Variants in TNFAIP8 observed in about 807,000 individuals in gnomAD.
TNFAIP8 encodes the protein tumor necrosis factor alpha-induced protein 8.
Under a neutral mutation model 13.3 loss-of-function variants are expected in TNFAIP8, and 7 were observed. The observed-to-expected ratio is 0.52, with a 90% CI of 0.30 to 0.99. The LOEUF (loss-of-function observed/expected upper bound fraction) is 0.99, where lower values mean the gene tolerates loss of function less well. Ranked by LOEUF, TNFAIP8 falls within the 50% of genes least tolerant of loss-of-function variation. TNFAIP8 has a pLI of 0.07. For synonymous variants in TNFAIP8, 94 were observed against 87.6 expected (o/e 1.07, Z -0.41); for missense variants, 258 against 236.9 (o/e 1.09, Z -0.58).
At chr5:119,278,372 AGAGAGTGT>A (rs1479485371) in intron 1 of TNFAIP8, among the ~76,000 whole-genome samples, 27 of 124,994 alleles carry the variant, frequency 2.2e-4, no homozygotes, top group South Asian at 7.7e-4. Flanking sequence ...AGAGAGAGAG[AGAGAGTGT>A]GTGTGTGTGT....
chr5:119,385,557 C>G (rs1055155929), intron 1 of TNFAIP8, among the ~76,000 whole-genome samples: 14 of 152,038 alleles, frequency 9.2e-5, no homozygotes, highest in African/African-American at 3.4e-4. Context: ...CTAGCAGAGT[C>G]CTCGTAGTAC....
At chr5:119,361,178 A>G (rs1399515907) in intron 1 of TNFAIP8, among the ~76,000 whole-genome samples, 1 of 152,186 alleles carries the variant, frequency 6.6e-6, no homozygotes, top group African/African-American at 2.4e-5. Context: ...GGCCCGGTGC[A>G]CTCTGGGAGT....
rs1753119896 is a variant in TNFAIP8, at chr5:119,398,277, A to G, written c.*4896A>G. On this transcript the variant is annotated 3_prime_UTR_variant, in exon 2 of 2. Coordinates refer to ENST00000504771, the MANE Select transcript of TNFAIP8 (RefSeq NM_014350.4). ...GCACTTGCGGTTTGTTCTTAATACA[A>G]GAAAGACAATTTGATTTTTAAAAGT... 5 of 152,244 alleles carry G rather than the reference A, an allele frequency of 3.3e-5. No homozygotes were observed. Among genetic ancestry groups the G allele is most frequent in the Admixed American group, 2.6e-4 (4 of 15,284 alleles). The allele number at this position is 152,244 out of a possible 1,614,324, so 9.4% of individuals were successfully genotyped here.
rs907755893 is a variant in TNFAIP8, at chr5:119,395,639, A to G, written c.*2258A>G. ...ATCCTGTTTGCTACCATTTCTCAGC[A>G]TTTTCTGGAGGGGACCCATCTCCTT... On this transcript the variant is annotated 3_prime_UTR_variant, in exon 2 of 2. Transcript: ENST00000504771. 3.9e-5 allele frequency: 6 copies of G among 152,156 alleles called. No individual in the cohort carries two copies. The highest frequency in any genetic ancestry group is 1.2e-4 in the African/African-American group (5 of 41,400). 9.4% of individuals were successfully genotyped at this position (152,156 alleles called of 1,614,324 possible).
At chr5:119,285,960 A>G (rs1002342379) in intron 1 of TNFAIP8, among the ~76,000 whole-genome samples, 1 of 152,196 alleles carries the variant, frequency 6.6e-6, no homozygotes, top group South Asian at 2.1e-4. Context: ...TTATGAGTAC[A>G]TACGCTTTTT....
chr5:119,287,753 T>C (rs1748849392), intron 1 of TNFAIP8, among the ~76,000 whole-genome samples: 1 of 152,234 alleles, frequency 6.6e-6, no homozygotes, highest in Non-Finnish European at 1.5e-5. Context: ...TGCCTAAATA[T>C]CATTTTTACT....
chr5:119,388,902 C>G (rs1440707506), intron 1 of TNFAIP8, among the ~76,000 whole-genome samples: 2 of 152,000 alleles, frequency 1.3e-5, no homozygotes, highest in Non-Finnish European at 2.9e-5. Flanking sequence ...CCTTATCCTC[C>G]TAAAGTGCTG....
intron 1 of TNFAIP8, among the ~76,000 whole-genome samples, chr5:119,277,817 G>C (rs560246205): frequency 1.1e-4 from 16 of 152,328 alleles, no homozygotes; most frequent in Admixed American, 6.5e-4. Context: ...GCAGCTCTGG[G>C]CTTCCAAGAG....
intron 1 of TNFAIP8, among the ~76,000 whole-genome samples, chr5:119,382,238 A>T (rs1752514585): frequency 6.6e-6 from 1 of 152,126 alleles, no homozygotes; most frequent in Non-Finnish European, 1.5e-5. Flanking sequence ...CCATCAGCAA[A>T]AACTAATGTT....
chr5:119,376,121 G>GTT (rs913108422), intron 1 of TNFAIP8, among the ~76,000 whole-genome samples: 22 of 145,196 alleles, frequency 1.5e-4, no homozygotes, highest in African/African-American at 4.5e-4. Context: ...TTTCTTTTTT[G>GTT]TTTTTTTTTT....
intron 1 of TNFAIP8, among the ~76,000 whole-genome samples, chr5:119,308,263 C>T (rs748773782): frequency 2.3e-4 from 35 of 152,188 alleles, no homozygotes; most frequent in Non-Finnish European, 4.1e-4. Flanking sequence ...CGCCTGTGAA[C>T]TCTCCTAGGG....
At chr5:119,369,856 G>A (rs545375768) in intron 1 of TNFAIP8, among the ~76,000 whole-genome samples, 7 of 152,282 alleles carry the variant, frequency 4.6e-5, no homozygotes, top group East Asian at 1.9e-4. Context: ...CTGTTCTCAC[G>A]CCTAAAGTCA....
intron 1 of TNFAIP8, among the ~76,000 whole-genome samples, chr5:119,287,235 G>A (rs1748825598): frequency 7.0e-6 from 1 of 143,878 alleles, no homozygotes; most frequent in Non-Finnish European, 1.5e-5. Context: ...TTAGTTTGCA[G>A]CTTTCTGTGC....
intron 1 of TNFAIP8, among the ~76,000 whole-genome samples, chr5:119,326,086 A>G (rs1304739434): frequency 6.6e-6 from 1 of 152,062 alleles, no homozygotes; most frequent in African/African-American, 2.4e-5. Flanking sequence ...TTCATTTCCC[A>G]TGTCCCCAGC....
intron 1 of TNFAIP8, among the ~76,000 whole-genome samples, chr5:119,337,575 T>C (rs1750596160): frequency 6.6e-6 from 1 of 152,132 alleles, no homozygotes; most frequent in Admixed American, 6.6e-5. Context: ...GGTCATGTGC[T>C]TGGAAGTTAG....
Position 119,306,314 on chromosome 5 carries a change from CTTTCTTTTTCTTTTTTT to C in TNFAIP8, c.1+37411_1+37427del, listed in dbSNP as rs1159795915. 7 of 135,932 alleles carry C rather than the reference CTTTCTTTTTCTTTTTTT, an allele frequency of 5.1e-5. 1 individual carries two copies. The highest frequency in any genetic ancestry group is 2.4e-4 in the African/African-American group (7 of 29,478). The allele number at this position is 135,932 out of a possible 1,614,324, so 8.4% of individuals were successfully genotyped here. A position where few individuals can be genotyped will look rare whatever the true frequency, so the allele number is the denominator to read the frequency against. ...TTTCTCTTTTCTTTTTTCTTTCTTT[CTTTCTTTTTCTTTTTTT>C]TTTTTTTTTCCAAGATGGGGTGTCT... On this transcript the variant is annotated intron_variant, in intron 1 of 1. Coordinates refer to the TNFAIP8 transcript ENST00000274456.
At chr5:119,324,103 C>T (rs1056215496) in intron 1 of TNFAIP8, among the ~76,000 whole-genome samples, 1 of 150,990 alleles carries the variant, frequency 6.6e-6, no homozygotes, top group East Asian at 1.9e-4. Flanking sequence ...GATGAAACCC[C>T]ATCTCTACCA....
intron 1 of TNFAIP8, among the ~76,000 whole-genome samples, chr5:119,320,714 C>T (rs1447712186): frequency 6.6e-6 from 1 of 151,540 alleles, no homozygotes; most frequent in Non-Finnish European, 1.5e-5. Context: ...CCCACCCCCT[C>T]ACTTCCCTTT....
intron 1 of TNFAIP8, among the ~76,000 whole-genome samples, chr5:119,319,691 T>C (rs1185502258): frequency 6.6e-6 from 1 of 152,328 alleles, no homozygotes; most frequent in Admixed American, 6.5e-5. Context: ...GTTATTTCTA[T>C]GTATATTGGT....
Sources: gnomAD v4.1 joint callset for allele counts (sites outside exome capture counted in the v4.1 genomes callset) on GRCh38, gnomAD v4.1.1 for gene constraint, MANE v1.5 for transcripts, NCBI Gene and HGNC (gene_info 2026-07-23, HGNC 2026-07-21) for gene names.